TENM2: variants seen among roughly 807,000 people sequenced by gnomAD.
TENM2 encodes the protein teneurin-2.
In TENM2, 52 loss-of-function variants were observed where a neutral mutation model predicts 245.2. The observed-to-expected ratio is 0.21, with a 90% CI of 0.17 to 0.27. The LOEUF (loss-of-function observed/expected upper bound fraction) is 0.27, where lower values mean the gene tolerates loss of function less well. Ranked by LOEUF, TENM2 falls within the 10% of genes least tolerant of loss-of-function variation. The pLI, the probability that TENM2 is intolerant of heterozygous loss-of-function variation, is 1.00. For missense variants in TENM2, 3,046 were observed against 3,666.8 expected (o/e 0.83, Z 4.37); for synonymous variants, 1,363 against 1,438.9 (o/e 0.95, Z 1.19).
At chr5:168,126,011 G>T (rs1018653270) in intron 11 of TENM2, among the ~76,000 whole-genome samples, 1 of 152,218 alleles carries the variant, frequency 6.6e-6, no homozygotes, top group African/African-American at 2.4e-5. Context: ...CTGATGAAAG[G>T]ATGAATGTCT....
the TENM2 span, among the ~76,000 whole-genome samples, chr5:167,020,124 C>A: frequency 6.6e-6 from 1 of 152,128 alleles, no homozygotes; most frequent in African/African-American, 2.4e-5. Flanking sequence ...CCTGTCACAC[C>A]ACCGTATATA....
chr5:167,214,808 T>A, the TENM2 span, among the ~76,000 whole-genome samples: 1 of 152,196 alleles, frequency 6.6e-6, no homozygotes, highest in East Asian at 1.9e-4. Flanking sequence ...CAGACAGATT[T>A]GCCTTATTGT....
intron 13 of TENM2, among the ~76,000 whole-genome samples, chr5:168,188,487 C>G (rs1225353435): frequency 6.6e-6 from 1 of 152,226 alleles, no homozygotes; most frequent in Admixed American, 6.5e-5. Context: ...TAAACATTCC[C>G]ATCTTCAGCC....
At chr5:167,665,495 A>C (rs112248587) in intron 2 of TENM2, among the ~76,000 whole-genome samples, 56 of 152,296 alleles carry the variant, frequency 3.7e-4, no homozygotes, top group African/African-American at 1.3e-3. Context: ...TATGGATTCC[A>C]GTATGTACTA....
the TENM2 span, among the ~76,000 whole-genome samples, chr5:167,013,576 G>A: frequency 6.6e-6 from 1 of 152,108 alleles, no homozygotes; most frequent in East Asian, 1.9e-4. Flanking sequence ...GCATGGTGGT[G>A]CATGCCTGTA....
At chr5:167,199,120 A>AG in the TENM2 span, among the ~76,000 whole-genome samples, 1 of 147,166 alleles carries the variant, frequency 6.8e-6, no homozygotes, top group Non-Finnish European at 1.5e-5. Context: ...AAAAAAAAAA[A>AG]GAAATCACAT....
intron 9 of TENM2, among the ~76,000 whole-genome samples, chr5:168,105,808 T>G (rs1466946217): frequency 6.6e-6 from 1 of 152,224 alleles, no homozygotes; most frequent in Non-Finnish European, 1.5e-5. Context: ...ATTCTACGGT[T>G]TTTTGTTATT....
chr5:167,681,368 G>A (rs1244047445), intron 2 of TENM2, among the ~76,000 whole-genome samples: 3 of 152,082 alleles, frequency 2.0e-5, no homozygotes, highest in Admixed American at 1.3e-4. Context: ...TCATTGAACA[G>A]CTGCAGCTAA....
At chr5:168,161,045 G>T (rs577048412) in intron 12 of TENM2, among the ~76,000 whole-genome samples, 2 of 152,030 alleles carry the variant, frequency 1.3e-5, no homozygotes, top group Non-Finnish European at 2.9e-5. Flanking sequence ...TCCCACCACT[G>T]CCATATGCAT....
chr5:167,136,241 C>T, the TENM2 span, among the ~76,000 whole-genome samples: 2 of 152,188 alleles, frequency 1.3e-5, no homozygotes, highest in African/African-American at 2.4e-5. Context: ...ACTTTCTCCT[C>T]ATTGTGGTCT....
intron 2 of TENM2, among the ~76,000 whole-genome samples, chr5:167,716,884 ATATTTTATTTTATTT>A (rs200661613): frequency 0.024 from 3,117 of 132,168 alleles, 57 homozygotes; most frequent in African/African-American, 0.053. Context: ...GTCTTTTTTT[ATATTTTATTTTATTT>A]TATTTTATTT....
intron 2 of TENM2, among the ~76,000 whole-genome samples, chr5:167,779,750 GCT>G (rs1189674217): frequency 6.6e-6 from 1 of 152,120 alleles, no homozygotes; most frequent in Non-Finnish European, 1.5e-5. Flanking sequence ...AGAGAGAAAG[GCT>G]TTCTGTAACA....
At chr5:167,667,270 G>C (rs1054266340) in intron 2 of TENM2, among the ~76,000 whole-genome samples, 6 of 152,090 alleles carry the variant, frequency 3.9e-5, no homozygotes, top group African/African-American at 1.2e-4. Flanking sequence ...CTCTGTATTG[G>C]TGTTGGCCGT....
chr5:167,232,711 T>G, the TENM2 span, among the ~76,000 whole-genome samples: 2 of 152,184 alleles, frequency 1.3e-5, no homozygotes, highest in African/African-American at 2.4e-5. Context: ...CTTGGGTATT[T>G]CTTCACAGCG....
intron 5 of TENM2, among the ~76,000 whole-genome samples, chr5:168,014,205 C>T (rs753170247): frequency 2.0e-5 from 3 of 152,066 alleles, no homozygotes; most frequent in South Asian, 2.1e-4. Context: ...ATAGTAATGG[C>T]GATAGTTAAT....
intron 12 of TENM2, among the ~76,000 whole-genome samples, chr5:168,139,180 A>G (rs1329165235): frequency 6.6e-6 from 1 of 152,256 alleles, no homozygotes; most frequent in East Asian, 1.9e-4. Context: ...ATCAAACTGT[A>G]TGGATACACA....
chr5:167,084,355 A>ATGTATATATATATATATATATATATATG, the TENM2 span, among the ~76,000 whole-genome samples: 2 of 109,348 alleles, frequency 1.8e-5, no homozygotes, highest in African/African-American at 6.8e-5. Context: ...ATATATATAT[A>ATGTATATATATATATATATATATATATG]TATATATATA....
At chr5:167,493,705 A>G (rs951296574) in intron 2 of TENM2, among the ~76,000 whole-genome samples, 1 of 152,146 alleles carries the variant, frequency 6.6e-6, no homozygotes, top group East Asian at 1.9e-4. Flanking sequence ...ATCCGTATCT[A>G]GAATCCAAGG....
chr5:167,916,806 G>A (rs1022010615), intron 3 of TENM2, among the ~76,000 whole-genome samples: 1 of 152,186 alleles, frequency 6.6e-6, no homozygotes, highest in African/African-American at 2.4e-5. Context: ...CCCTTGCCTT[G>A]GCAGCTCAGT....
Sources: allele counts gnomAD v4.1 joint callset (sites outside exome capture counted in the v4.1 genomes callset), GRCh38; gene constraint gnomAD v4.1.1; transcripts MANE v1.5; gene names NCBI Gene and HGNC (gene_info 2026-07-23, HGNC 2026-07-21).